RNPEPL1: variants seen among roughly 807,000 people sequenced by gnomAD.
RNPEPL1 encodes aminopeptidase RNPEPL1.
In RNPEPL1, 46 loss-of-function variants were observed where a neutral mutation model predicts 69.0. The observed-to-expected ratio is 0.67, with a 90% CI of 0.53 to 0.85. RNPEPL1 has a LOEUF of 0.85. RNPEPL1 is among the 40% of genes least tolerant of loss of function. The pLI is 0.00. For missense variants in RNPEPL1, 869 were observed against 992.5 expected, an observed-to-expected ratio of 0.88 and a Z score of 1.67; for synonymous variants, 525 against 454.1, an observed-to-expected ratio of 1.16 and a Z score of -1.98.
At chr2:240,572,981 C>A in intron 2 of RNPEPL1, 129 bp from the exon 3 acceptor site, 1 of 1,134,402 alleles carries the variant, frequency 8.8e-7, no homozygotes, top group Non-Finnish European at 1.2e-6. Context: ...AGTTCTCTGA[C>A]AGAAACGTTC....
intron 1 of RNPEPL1, 45 bp downstream of exon 1, chr2:240,569,159 C>A: frequency 7.2e-7 from 1 of 1,383,904 alleles, no homozygotes. Context: ...GTCCGCAGGG[C>A]GCTGCTAGCG....
Position 240,568,643 on chromosome 2 carries a change from CCCGCCGCCCGAG to C in RNPEPL1, c.68_79del (p.Glu23_Pro26del), listed in dbSNP as rs1032943585. On this transcript the variant is annotated inframe_deletion, in exon 1 of 11. Coordinates refer to ENST00000270357, the MANE Select transcript of RNPEPL1 (RefSeq NM_018226.6). The surrounding 1 kb of genome is among the most constrained non-coding windows in gnomAD (Gnocchi z 6.2). The stretch of plus-strand genomic sequence containing the variant: ...CCGGCGCCGAGGCCGCGCCCGTCCG[CCCGCCGCCCGAG>C]CCGCCGCCCGCCCTGGACGTGGCCT... 23 of 1,006,452 alleles carry C rather than the reference CCCGCCGCCCGAG, an allele frequency of 2.3e-5. No individual in the cohort carries two copies. Among genetic ancestry groups the C allele is most frequent in the African/African-American group, 1.1e-4 (6 of 56,504 alleles). The allele number at this position is 1,006,452 out of a possible 1,614,324, so 62.3% of individuals were successfully genotyped here.
intron 8 of RNPEPL1, chr2:240,576,236 C>T: frequency 2.1e-6 from 1 of 480,652 alleles, no homozygotes; most frequent in South Asian, 3.1e-5. Context: ...CCTCCACCAG[C>T]ACTGAGGTTG....
In RNPEPL1 at chr2:240,568,847, A is replaced by G. The variant is rs1374609168; in HGVS notation, c.261A>G (p.Ser87=). ...LDAHPALRLH[S]AAFRRAPAAA... is the part of the protein sequence containing the mutation. ...CGCACCCGGCTCTGCGCCTGCACTC[A>G]GCCGCCTTCCGTCGCGCCCCCGCCG... The change falls in exon 1 of 11, where the codon TCA becomes TCG. Residue 87 remains serine (S), a synonymous_variant. Transcript: ENST00000270357. The surrounding 1 kb of genome is among the most constrained non-coding windows in gnomAD (Gnocchi z 6.2). The G allele has an allele frequency of 4.2e-6, 5 of 1,179,078 alleles. No individual in the cohort carries two copies. Among genetic ancestry groups the G allele is most frequent in the Non-Finnish European group, 5.3e-6 (5 of 951,234 alleles). 73.0% of individuals were successfully genotyped at this position (1,179,078 alleles called of 1,614,324 possible).
rs891938240 is a variant in RNPEPL1, at chr2:240,568,694, G to T, written c.108G>T (p.Ala36=). The T allele has an allele frequency of 4.7e-6, 5 of 1,057,610 alleles. No homozygotes were observed. The highest frequency in any genetic ancestry group is 5.0e-5 in the Admixed American group (1 of 19,906). 65.5% of individuals were successfully genotyped at this position (1,057,610 alleles called of 1,614,324 possible). A position where few individuals can be genotyped will look rare whatever the true frequency, so the allele number is the denominator to read the frequency against. ...PALDVASASS[A]QLFRLRHLQL... is the part of the protein sequence containing the mutation. Reference sequence around the variant, plus strand: ...TGGACGTGGCCTCGGCCTCCAGCGCGCAGCTCTTCCGCCTCCGCCACCTGC... The same window carrying T: ...TGGACGTGGCCTCGGCCTCCAGCGCTCAGCTCTTCCGCCTCCGCCACCTGC... Residue 36 remains alanine, a synonymous_variant, in exon 1 of 11, where the codon GCG becomes GCT. Coordinates refer to ENST00000270357, the MANE Select transcript of RNPEPL1 (RefSeq NM_018226.6). This position sits in a 1 kb window ranked among gnomAD's most constrained non-coding sequence, Gnocchi z 6.2.
Position 240,574,775 on chromosome 2 carries a change from A to G in RNPEPL1, c.1288+147A>G, listed in dbSNP as rs557946747. 5.3e-6 allele frequency: 4 copies of G among 755,912 alleles called. No homozygotes were observed. In the Admixed American group the frequency reaches 9.4e-5, roughly 18 times the overall value. 46.8% of individuals were successfully genotyped at this position (755,912 alleles called of 1,614,324 possible). A position where few individuals can be genotyped will look rare whatever the true frequency, so the allele number is the denominator to read the frequency against. Reference sequence around the variant, plus strand: ...AAGGCCAAGCTGGGAGCCCCTGGCCAGGGCAAGGCCTCCCCAGGCTCCCAC... The same window carrying G: ...AAGGCCAAGCTGGGAGCCCCTGGCCGGGGCAAGGCCTCCCCAGGCTCCCAC... On this transcript the variant is annotated intron_variant, in intron 6 of 10. Coordinates refer to ENST00000270357, the MANE Select transcript of RNPEPL1 (RefSeq NM_018226.6).
chr2:240,569,008 C>A lies in RNPEPL1; in HGVS notation c.422C>A (p.Pro141Gln). 6.6e-7 allele frequency: 1 copy of A among 1,507,836 alleles called. No homozygotes were observed. The highest frequency in any genetic ancestry group is 8.8e-7 in the Non-Finnish European group (1 of 1,135,858). The allele number at this position is 1,507,836 out of a possible 1,614,324, so 93.4% of individuals were successfully genotyped here. A position where few individuals can be genotyped will look rare whatever the true frequency, so the allele number is the denominator to read the frequency against. ...TGTCCGCTGGCCTTCAGGGTGGACC[C>A]GTTCACCGACTACGGCTCCTCGCTC... Reference protein sequence around the residue: ...ACCPLAFRVDPFTDYGSSLTV... With the variant: ...ACCPLAFRVDQFTDYGSSLTV... The change falls in exon 1 of 11, where the codon CCG becomes CAG. Residue 141 changes from proline to glutamine, a missense_variant. Coordinates refer to ENST00000270357, the MANE Select transcript of RNPEPL1 (RefSeq NM_018226.6).
intron 1 of RNPEPL1, 92 bp downstream of exon 1, chr2:240,569,206 C>T (rs2093014086): frequency 7.6e-7 from 1 of 1,314,670 alleles, no homozygotes; most frequent in East Asian, 3.2e-5. Context: ...GGACGCGAAT[C>T]TGCGCCCTAC....
At position 240,568,532 on chromosome 2, in the gene RNPEPL1, T is replaced by A; in HGVS notation, c.-55T>A. On this transcript the variant is annotated 5_prime_UTR_variant, in exon 1 of 11. Coordinates refer to ENST00000270357, the MANE Select transcript of RNPEPL1 (RefSeq NM_018226.6). This position sits in a 1 kb window ranked among gnomAD's most constrained non-coding sequence, Gnocchi z 6.2. ...CGCCGCCGCCGCCGCCCGGCGCCCC[T>A]CGCCCGCGGCCCGGCGCGGCCGCCG... 1.2e-6 allele frequency: 1 copy of A among 806,240 alleles called. No individual in the cohort carries two copies. Among genetic ancestry groups the A allele is most frequent in the Non-Finnish European group, 1.5e-6 (1 of 675,356 alleles). 49.9% of individuals were successfully genotyped at this position (806,240 alleles called of 1,614,324 possible). A position where few individuals can be genotyped will look rare whatever the true frequency, so the allele number is the denominator to read the frequency against.
At chr2:240,575,210 C>A in intron 7 of RNPEPL1, 68 bp downstream of exon 7, 4 of 1,259,332 alleles carry the variant, frequency 3.2e-6, no homozygotes, top group Non-Finnish European at 4.6e-6. Context: ...GCTCACAGGG[C>A]TGCCTGCTCT....
Position 240,578,108 on chromosome 2 carries a change from G to A in RNPEPL1, c.*216G>A, listed in dbSNP as rs2093043114. ...TGGCCTCCCCACTCCCAGCTCTCTT[G>A]CACTGCAGGCCCTGGGGCCAGCCCG... On this transcript the variant is annotated 3_prime_UTR_variant, in exon 11 of 11. Coordinates refer to ENST00000270357, the MANE Select transcript of RNPEPL1 (RefSeq NM_018226.6). The A allele has an allele frequency of 4.4e-6, 2 of 459,654 alleles. No homozygotes were observed. Among genetic ancestry groups the A allele is most frequent in the South Asian group, 5.7e-5 (1 of 17,584 alleles). 28.5% of individuals were successfully genotyped at this position (459,654 alleles called of 1,614,324 possible). A position where few individuals can be genotyped will look rare whatever the true frequency, so the allele number is the denominator to read the frequency against.
chr2:240,574,613 G>T lies in RNPEPL1; in HGVS notation c.1273G>T (p.Val425Phe). 1 of 1,612,738 alleles carries T rather than the reference G, an allele frequency of 6.2e-7. No homozygotes were observed. The highest frequency in any genetic ancestry group is 8.5e-7 in the Non-Finnish European group (1 of 1,179,880). Residue 425 changes from valine (V) to phenylalanine (F), a missense_variant, in exon 6 of 11, where the codon GTC (valine) becomes TTC (phenylalanine). Coordinates refer to ENST00000270357, the MANE Select transcript of RNPEPL1 (RefSeq NM_018226.6). ...GGACAGCCCGGTCAGCAAACTGCAG[G>T]TCAAGCTGGAGCCAGGTACCTGCTC... ...GEDSPVSKLQ[V>F]KLEPGVNPSH...
Position 240,574,406 on chromosome 2 carries a change from A to G in RNPEPL1, c.1174+58A>G, listed in dbSNP as rs981632785. On this transcript the variant is annotated intron_variant, in intron 5 of 10. Coordinates refer to ENST00000270357, the MANE Select transcript of RNPEPL1 (RefSeq NM_018226.6). Reference sequence around the variant, plus strand: ...GGGCCCTGGGCACTGGTCCAGGGGCAGAGAGCCTAGCCTGGCCCCCCTGCC... The same window carrying G: ...GGGCCCTGGGCACTGGTCCAGGGGCGGAGAGCCTAGCCTGGCCCCCCTGCC... 1.9e-5 allele frequency: 29 copies of G among 1,562,130 alleles called. No homozygotes were observed. In the East Asian group the frequency reaches 6.7e-4, roughly 36 times the overall value.
chr2:240,576,755 G>A lies in RNPEPL1; in HGVS notation c.1731G>A (p.Pro577=), dbSNP rs769762635. The change falls in exon 9 of 11, where the codon CCG becomes CCA. Residue 577 remains proline (P), a synonymous_variant. Transcript: ENST00000270357. ...TGGACCGGCTCCTGGATGGGTCCCC[G>A]CTGCCGCAGGGTGAGTCCCTGCAGC... ...LFLDRLLDGS[P]LPQEVVMSLS... The A allele has an allele frequency of 8.1e-6, 13 of 1,612,712 alleles. No individual in the cohort carries two copies. Among genetic ancestry groups the A allele is most frequent in the African/African-American group, 2.7e-5 (2 of 74,932 alleles).
intron 8 of RNPEPL1, chr2:240,576,317 C>T: frequency 1.7e-6 from 1 of 592,302 alleles, no homozygotes; most frequent in Non-Finnish European, 3.0e-6. Context: ...GGTCACCAAC[C>T]CAAGTCTCTG....
chr2:240,573,611 G>C (rs902952881), intron 3 of RNPEPL1, among the ~76,000 whole-genome samples, 164 bp from the exon 4 acceptor site: 4 of 152,244 alleles, frequency 2.6e-5, no homozygotes, highest in Non-Finnish European at 5.9e-5. Context: ...GAAGGGCCAG[G>C]GTGGCTGCCC....
At position 240,574,498 on chromosome 2, in the gene RNPEPL1, C is replaced by T. The variant is rs1358119682; in HGVS notation, c.1175-17C>T. On this transcript the variant is annotated splice_polypyrimidine_tract_variant and intron_variant, in intron 5 of 10. Coordinates refer to ENST00000270357, the MANE Select transcript of RNPEPL1 (RefSeq NM_018226.6). Reference sequence around the variant, plus strand: ...CTACACCCCCTCACCTCTCCTCTGTCTCCGGACCCCATCCAGGTGCTGCCT... The same window carrying T: ...CTACACCCCCTCACCTCTCCTCTGTTTCCGGACCCCATCCAGGTGCTGCCT... The T allele has an allele frequency of 6.2e-7, 1 of 1,603,012 alleles. No individual in the cohort carries two copies. Among genetic ancestry groups the T allele is most frequent in the Admixed American group, 1.7e-5 (1 of 58,282 alleles).
At chr2:240,574,980 G>T (rs758904324) in intron 6 of RNPEPL1, 50 bp from the exon 7 acceptor site, 2 of 1,398,568 alleles carry the variant, frequency 1.4e-6, no homozygotes, top group South Asian at 1.2e-5. Context: ...CCTATTCCAC[G>T]GGACACTGGT....
At chr2:240,573,960 C>T in intron 4 of RNPEPL1, 69 bp downstream of exon 4, 2 of 1,453,802 alleles carry the variant, frequency 1.4e-6, no homozygotes, top group Non-Finnish European at 1.9e-6. Context: ...CCTCGTCTGA[C>T]CCCTGGGGTG....
Sources: allele counts gnomAD v4.1 joint callset (sites outside exome capture counted in the v4.1 genomes callset), GRCh38; gene constraint gnomAD v4.1.1; non-coding constraint Gnocchi (gnomAD v3.1); transcripts MANE v1.5; gene names NCBI Gene and HGNC (gene_info 2026-07-23, HGNC 2026-07-21).